The following CACNA1C variants were observed in gnomAD, a reference collection of about 807,000 sequenced individuals.
The protein encoded by CACNA1C is voltage-dependent L-type calcium channel subunit alpha-1C.
CACNA1C carries 30 observed loss-of-function variants against 229.0 expected under a neutral mutation model. That is an observed-to-expected ratio of 0.13 (90% CI 0.10 to 0.18). CACNA1C has a LOEUF of 0.18. Ranked by LOEUF, CACNA1C falls within the 10% of genes least tolerant of loss-of-function variation. CACNA1C has a pLI of 1.00. For synonymous variants in CACNA1C, 1,114 were observed against 1,132.5 expected, an observed-to-expected ratio of 0.98 and a Z score of 0.33; for missense variants, 1,658 against 2,845.0, an observed-to-expected ratio of 0.58 and a Z score of 9.49.
chr12:2,541,711 C>T (rs1243460494), intron 9 of CACNA1C, among the ~76,000 whole-genome samples: 1 of 152,226 alleles, frequency 6.6e-6, no homozygotes, highest in African/African-American at 2.4e-5. Flanking sequence ...TTCCGGAATA[C>T]ACACTGGGCA....
intron 9 of CACNA1C, among the ~76,000 whole-genome samples, chr12:2,539,203 CTT>C: frequency 7.7e-6 from 1 of 130,024 alleles, no homozygotes; most frequent in Non-Finnish European, 1.7e-5. Context: ...AACTAGGTGA[CTT>C]GAGGAGGGCT....
intron 32 of CACNA1C, among the ~76,000 whole-genome samples, chr12:2,652,116 C>T (rs779902088): frequency 5.9e-5 from 9 of 152,334 alleles, no homozygotes; most frequent in East Asian, 5.8e-4. Context: ...CTGAAAAACA[C>T]GGGCCTGGAC....
intron 3 of CACNA1C, among the ~76,000 whole-genome samples, chr12:2,427,525 G>A (rs937363271): frequency 1.1e-4 from 6 of 54,274 alleles, no homozygotes; most frequent in Admixed American, 6.3e-4. Flanking sequence ...GCTCGCTACC[G>A]ACCCACACAT....
In CACNA1C at chr12:2,665,781, C is replaced by T; in HGVS notation, c.4526+73C>T. 2 of 1,483,648 alleles carry T rather than the reference C, an allele frequency of 1.3e-6. No individual in the cohort carries two copies. Among genetic ancestry groups the T allele is most frequent in the Non-Finnish European group, 1.8e-6 (2 of 1,098,502 alleles). The allele number at this position is 1,483,648 out of a possible 1,614,324, so 91.9% of individuals were successfully genotyped here. The stretch of plus-strand genomic sequence containing the variant: ...TAGCTGACCATACCTGCAGGAGGGG[C>T]TCAAGGTTGGCCAACACTGGGTGGA... On this transcript the variant is annotated intron_variant, in intron 36 of 46. Coordinates refer to ENST00000399655, the MANE Select transcript of CACNA1C (RefSeq NM_000719.7). The surrounding 1 kb of genome is among the most constrained non-coding windows in gnomAD (Gnocchi z 5.9).
chr12:2,101,626 C>T (rs538189898), intron 1 of CACNA1C, among the ~76,000 whole-genome samples: 6 of 152,298 alleles, frequency 3.9e-5, no homozygotes, highest in East Asian at 1.9e-4. Flanking sequence ...CCGTGACCCA[C>T]GAGGCTGGGT....
At chr12:2,179,086 T>G (rs2096754156) in intron 3 of CACNA1C, among the ~76,000 whole-genome samples, 1 of 150,754 alleles carries the variant, frequency 6.6e-6, no homozygotes, top group Admixed American at 6.6e-5. Flanking sequence ...AATAAATAAT[T>G]TAAAAGAGGA....
intron 1 of CACNA1C, among the ~76,000 whole-genome samples, chr12:2,090,310 C>CTTTTTTTTTTTTTTTT (rs145675982): frequency 4.3e-5 from 3 of 69,200 alleles, no homozygotes; most frequent in Non-Finnish European, 7.6e-5. Context: ...GGATAGACTA[C>CTTTTTTTTTTTTTTTT]TTTTTTTTTT....
At position 2,287,796 on chromosome 12, in the gene CACNA1C, G is replaced by T. The variant is rs2154446747; in HGVS notation, c.478-161180G>T. ...GCTCCAGGATGGAGCTTGAGAATTT[G>T]CATTTCTAACAAGCTCCCAGGTGAC... On this transcript the variant is annotated intron_variant, in intron 3 of 46. Transcript: ENST00000399655. This position sits in a 1 kb window ranked among gnomAD's most constrained non-coding sequence, Gnocchi z 4.6. Among the ~76,000 whole-genome samples the T allele has an allele frequency of 6.6e-6, 1 of 152,268 alleles. No homozygotes were observed. Among genetic ancestry groups the T allele is most frequent in the African/African-American group, 2.4e-5 (1 of 41,560 alleles).
intron 3 of CACNA1C, among the ~76,000 whole-genome samples, chr12:2,376,042 T>A (rs984217050): frequency 2.0e-5 from 3 of 152,228 alleles, no homozygotes; most frequent in Admixed American, 1.3e-4. Context: ...CCCAGGCAGT[T>A]TGGCTGGTGC....
chr12:2,064,928 T>TA (rs1259134882), intron 1 of CACNA1C, among the ~76,000 whole-genome samples: 3 of 152,152 alleles, frequency 2.0e-5, no homozygotes, highest in Non-Finnish European at 4.4e-5. Flanking sequence ...TGGGTATGGA[T>TA]AAAAAAGCGC....
Position 2,566,540 on chromosome 12 carries a change from TCTGAGCACTACAACCAGCCCAA to T in CACNA1C, c.1631_1652del (p.Glu544GlyfsTer23), listed in dbSNP as rs1371052585. On this transcript the variant is annotated frameshift_variant, in exon 12 of 47. Coordinates refer to ENST00000399655, the MANE Select transcript of CACNA1C (RefSeq NM_000719.7). LOFTEE classifies it high-confidence loss of function. The surrounding 1 kb of genome is among the most constrained non-coding windows in gnomAD (Gnocchi z 4.0). ...GTTCCTCAACACGCTCACCATTGCC[TCTGAGCACTACAACCAGCCCAA>T]CTGGCTCACAGAAGTCCAAGGTGAG... is the stretch of plus-strand genomic sequence containing the variant. The T allele has an allele frequency of 6.3e-7, 1 of 1,598,848 alleles. No homozygotes were observed. The highest frequency in any genetic ancestry group is 1.3e-5 in the African/African-American group (1 of 74,524).
At chr12:2,544,573 A>G (rs1446108822) in intron 9 of CACNA1C, among the ~76,000 whole-genome samples, 1 of 152,240 alleles carries the variant, frequency 6.6e-6, no homozygotes, top group Non-Finnish European at 1.5e-5. Flanking sequence ...ACACATCTTT[A>G]TTAATCAAAA....
chr12:2,675,328 A>G (rs1035874741), intron 39 of CACNA1C, among the ~76,000 whole-genome samples: 1 of 152,244 alleles, frequency 6.6e-6, no homozygotes, highest in Non-Finnish European at 1.5e-5. Context: ...AGATCTTCTC[A>G]TGCACCCACT....
Position 2,240,506 on chromosome 12 carries a change from G to T in CACNA1C, c.477+120076G>T, listed in dbSNP as rs184734511. ...AAGCCACTGATAGGGCTCCAGGCAT[G>T]GGGCAGGGCCTGCACTGAGGGTTAT... On this transcript the variant is annotated intron_variant, in intron 3 of 46. Coordinates refer to ENST00000399655, the MANE Select transcript of CACNA1C (RefSeq NM_000719.7). Among the ~76,000 whole-genome samples the T allele has an allele frequency of 1.9e-3, 294 of 152,330 alleles. 2 individuals carry two copies. The highest frequency in any genetic ancestry group is 3.3e-3 in the Non-Finnish European group (225 of 68,032).
At chr12:2,077,330 G>T (rs1278764586) in intron 1 of CACNA1C, among the ~76,000 whole-genome samples, 6 of 152,150 alleles carry the variant, frequency 3.9e-5, no homozygotes, top group Non-Finnish European at 5.9e-5. Context: ...CAAGAGAAAG[G>T]GGAGATCTTA....
chr12:2,428,237 C>T (rs1036705441), intron 3 of CACNA1C, among the ~76,000 whole-genome samples: 13 of 152,322 alleles, frequency 8.5e-5, no homozygotes, highest in African/African-American at 3.1e-4. Context: ...CTGTGCCATC[C>T]CTACCCTGCA....
intron 3 of CACNA1C, among the ~76,000 whole-genome samples, chr12:2,302,674 T>C (rs2094660697): frequency 1.3e-5 from 2 of 152,330 alleles, no homozygotes; most frequent in Non-Finnish European, 2.9e-5. Flanking sequence ...TAGAGGGGTT[T>C]AAATACATCA....
At chr12:2,567,269 C>A (rs2051584709) in intron 12 of CACNA1C, among the ~76,000 whole-genome samples, 1 of 152,200 alleles carries the variant, frequency 6.6e-6, no homozygotes, top group Non-Finnish European at 1.5e-5. Context: ...CCTTTCTCAT[C>A]TCTGAAAATG....
chr12:2,190,370 C>G (rs567083001), intron 3 of CACNA1C, among the ~76,000 whole-genome samples: 1 of 152,196 alleles, frequency 6.6e-6, no homozygotes, highest in South Asian at 2.1e-4. Flanking sequence ...TGCTCATCCC[C>G]GCCCCGCAGT....
Sources: gnomAD v4.1 joint callset for allele counts (sites outside exome capture counted in the v4.1 genomes callset) on GRCh38, gnomAD v4.1.1 for gene constraint, Gnocchi (gnomAD v3.1) non-coding constraint, MANE v1.5 for transcripts, NCBI Gene and HGNC (gene_info 2026-07-23, HGNC 2026-07-21) for gene names.